The following CKAP2 variants were observed in gnomAD, a reference collection of about 807,000 sequenced individuals.
CKAP2 encodes cytoskeleton-associated protein 2.
A neutral mutation model predicts 58.4 loss-of-function variants in CKAP2; 46 were observed. That is an observed-to-expected ratio of 0.79 (90% CI 0.62 to 1.01). CKAP2 has a LOEUF of 1.01. Ranked by LOEUF, CKAP2 falls within the 50% of genes least tolerant of loss-of-function variation. CKAP2 has a pLI of 0.00. For missense variants in CKAP2, 809 were observed against 796.4 expected (o/e 1.02, Z -0.19); for synonymous variants, 293 against 280.9 (o/e 1.04, Z -0.43).
At chr13:52,464,306 A>G (rs1958629351) in intron 5 of CKAP2, among the ~76,000 whole-genome samples, 1 of 152,212 alleles carries the variant, frequency 6.6e-6, no homozygotes, top group Admixed American at 6.5e-5. Context: ...TAATCCCAGC[A>G]CTTTGGGAGG....
In CKAP2 at chr13:52,455,512, A is replaced by G. The variant is rs1259212690; in HGVS notation, c.-45A>G. The G allele has an allele frequency of 1.3e-5, 21 of 1,610,436 alleles. No homozygotes were observed. The highest frequency in any genetic ancestry group is 1.7e-5 in the Admixed American group (1 of 59,990). ...GGCGGCGGTGGTCTGAGGAAGTTCT[A>G]TCTTGGCGCTAAAGCGGAGACGCAT... is the stretch of plus-strand genomic sequence containing the variant. On this transcript the variant is annotated 5_prime_UTR_variant, in exon 1 of 9. Transcript: ENST00000258607.
At position 52,465,472 on chromosome 13, in the gene CKAP2, T is replaced by G. The variant is rs201547657; in HGVS notation, c.1476+7T>G. 1.1e-4 allele frequency: 184 copies of G among 1,607,884 alleles called. No homozygotes were observed. Among genetic ancestry groups the G allele is most frequent in the Non-Finnish European group, 1.5e-4 (174 of 1,175,590 alleles). ...CATTCTGGCAGGGGCTCAGGTAAGA[T>G]AAAAATTTACTGATCTTTACAATTA... On this transcript the variant is annotated splice_region_variant and intron_variant, in intron 6 of 8. Transcript: ENST00000258607.
At chr13:52,459,462 A>G (rs773248307) in intron 2 of CKAP2, among the ~76,000 whole-genome samples, 1 of 152,050 alleles carries the variant, frequency 6.6e-6, no homozygotes, top group African/African-American at 2.4e-5. Context: ...AGCTGGGATT[A>G]CAAGCATTTG....
At chr13:52,468,427 C>G in intron 7 of CKAP2, 80 bp downstream of exon 7, 2 of 827,858 alleles carry the variant, frequency 2.4e-6, no homozygotes, top group Non-Finnish European at 3.9e-6. Flanking sequence ...ATTTTAAGAT[C>G]AGGAGTACGT....
intron 1 of CKAP2, chr13:52,455,958 G>T (rs891666112): frequency 8.9e-7 from 1 of 1,118,552 alleles, no homozygotes. Flanking sequence ...GGCTGCACAG[G>T]TTCAGGGACC....
intron 8 of CKAP2, among the ~76,000 whole-genome samples, 177 bp downstream of exon 8, chr13:52,474,261 A>G (rs952440981): frequency 6.6e-6 from 1 of 152,124 alleles, no homozygotes; most frequent in Non-Finnish European, 1.5e-5. Flanking sequence ...CGAAGCAGAC[A>G]GATCACTTGA....
rs1958578921 is a variant in CKAP2, at chr13:52,461,501, A to G, written c.675A>G (p.Val225=). The part of the protein sequence containing the change: ...TKPQPVNTSS[V]TVKSNRSSNM... Reference sequence around the variant, plus strand: ...CTCAGCCTGTAAACACCAGCAGTGTAACAGTGAAAAGTAATAGATCCTCCA... The same window carrying G: ...CTCAGCCTGTAAACACCAGCAGTGTGACAGTGAAAAGTAATAGATCCTCCA... The change falls in exon 4 of 9, where the codon GTA becomes GTG. Residue 225 remains valine (V), a synonymous_variant. Coordinates refer to ENST00000258607, the MANE Select transcript of CKAP2 (RefSeq NM_018204.5). 1 of 1,614,168 alleles carries G rather than the reference A, an allele frequency of 6.2e-7. No homozygotes were observed. The highest frequency in any genetic ancestry group is 8.5e-7 in the Non-Finnish European group (1 of 1,180,036).
Position 52,461,844 on chromosome 13 carries a change from G to A in CKAP2, c.1018G>A (p.Val340Ile), listed in dbSNP as rs776766061. 22 of 1,613,986 alleles carry A rather than the reference G, an allele frequency of 1.4e-5. No individual in the cohort carries two copies. Among genetic ancestry groups the A allele is most frequent in the Middle Eastern group, 1.6e-4 (1 of 6,084 alleles). The stretch of plus-strand genomic sequence containing the variant: ...TAAACTGATGGAAAAGTCAGAGCCC[G>A]TTGACCAGCGAAGACATACTGCAGG... ...NDKLMEKSEP[V>I]DQRRHTAGKA... The change falls in exon 4 of 9, where the codon GTT (valine) becomes ATT (isoleucine). Residue 340 changes from valine to isoleucine, a missense_variant. Around this residue, in one of 3 missense-constraint regions of CKAP2, gnomAD observed 523 missense variants for 492.4 expected, o/e 1.06. Transcript: ENST00000258607.
At chr13:52,458,979 C>A (rs757765596) in intron 2 of CKAP2, among the ~76,000 whole-genome samples, 1 of 152,164 alleles carries the variant, frequency 6.6e-6, no homozygotes, top group Admixed American at 6.5e-5. Flanking sequence ...ATTTTACAAT[C>A]TCTAAAGTAT....
chr13:52,473,747 C>T (rs1958789725), intron 7 of CKAP2, 82 bp from the exon 8 acceptor site: 16 of 1,304,976 alleles, frequency 1.2e-5, no homozygotes, highest in South Asian at 4.5e-5. Context: ...AAAATGTGGC[C>T]AACTAGGAAC....
intron 7 of CKAP2, among the ~76,000 whole-genome samples, chr13:52,471,930 C>T (rs1490596405): frequency 6.6e-6 from 1 of 152,144 alleles, no homozygotes; most frequent in East Asian, 1.9e-4. Context: ...TTCTGTCACT[C>T]ATCTGCATAA....
chr13:52,475,254 A>G lies in CKAP2; in HGVS notation c.*113A>G. On this transcript the variant is annotated 3_prime_UTR_variant, in exon 9 of 9. Coordinates refer to ENST00000258607, the MANE Select transcript of CKAP2 (RefSeq NM_018204.5). ...AGTTGGCCATGTACCTATGTATCCT[A>G]AGCATTCACGGCAGTGAGCTCCTTT... 1 of 1,311,164 alleles carries G rather than the reference A, an allele frequency of 7.6e-7. No homozygotes were observed. 81.2% of individuals were successfully genotyped at this position (1,311,164 alleles called of 1,614,324 possible). A position where few individuals can be genotyped will look rare whatever the true frequency, so the allele number is the denominator to read the frequency against.
chr13:52,469,423 G>C (rs959655487), intron 7 of CKAP2, among the ~76,000 whole-genome samples: 12 of 152,142 alleles, frequency 7.9e-5, no homozygotes, highest in African/African-American at 2.9e-4. Flanking sequence ...CTCTTTGCTG[G>C]GGATAGTAGA....
At chr13:52,468,885 A>G (rs1232004385) in intron 7 of CKAP2, among the ~76,000 whole-genome samples, 2 of 152,216 alleles carry the variant, frequency 1.3e-5, no homozygotes, top group East Asian at 1.9e-4. Flanking sequence ...TCCTTTGGGT[A>G]TATACCCAGT....
chr13:52,456,207 C>T (rs1958477035), intron 1 of CKAP2: 1 of 1,053,982 alleles, frequency 9.5e-7, no homozygotes, highest in Admixed American at 4.9e-5. Context: ...AGTCTAGTGC[C>T]TCACTTCTAC....
intron 6 of CKAP2, among the ~76,000 whole-genome samples, chr13:52,466,586 T>C (rs1958681223): frequency 6.6e-6 from 1 of 152,148 alleles, no homozygotes; most frequent in African/African-American, 2.4e-5. Flanking sequence ...GTAGCAAGGA[T>C]GCAAAACTGG....
chr13:52,466,876 G>A (rs562067835), intron 6 of CKAP2, among the ~76,000 whole-genome samples: 1 of 152,196 alleles, frequency 6.6e-6, no homozygotes, highest in Admixed American at 6.5e-5. Context: ...CGGGAGGATC[G>A]TTTGAGTCCA....
At chr13:52,463,738 G>T (rs1958620513) in intron 5 of CKAP2, among the ~76,000 whole-genome samples, 1 of 152,182 alleles carries the variant, frequency 6.6e-6, no homozygotes, top group Admixed American at 6.5e-5. Flanking sequence ...TCTGCTGGGT[G>T]GCTTTTTAAG....
rs955333239 is a variant in CKAP2, at chr13:52,476,253, T to C, written c.*1112T>C. On this transcript the variant is annotated 3_prime_UTR_variant, in exon 9 of 9. Transcript: ENST00000258607. ...AGTCATTTTTATGTTCATTCCACTT[T>C]GTATATCTTTTCTATTTATTGACTT... The C allele has an allele frequency of 1.3e-5, 2 of 152,234 alleles. No individual in the cohort carries two copies. Among genetic ancestry groups the C allele is most frequent in the Non-Finnish European group, 2.9e-5 (2 of 68,026 alleles). 9.4% of individuals were successfully genotyped at this position (152,234 alleles called of 1,614,324 possible).
Sources: gnomAD v4.1 joint callset for allele counts (sites outside exome capture counted in the v4.1 genomes callset) on GRCh38, gnomAD v4.1.1 for gene constraint, gnomAD v4.1.1 regional missense constraint, MANE v1.5 for transcripts, NCBI Gene and HGNC (gene_info 2026-07-23, HGNC 2026-07-21) for gene names.